MAPKAPK5: variants seen among roughly 807,000 people sequenced by gnomAD.
MAPKAPK5 encodes MAPK activated protein kinase 5.
A neutral mutation model predicts 65.1 loss-of-function variants in MAPKAPK5; 30 were observed. That is an observed-to-expected ratio of 0.46 (90% CI 0.34 to 0.63). MAPKAPK5 has a LOEUF of 0.63. MAPKAPK5 is among the 20% of genes least tolerant of loss of function. The probability of loss-of-function intolerance (pLI) is 0.01; values close to 1 mark genes in which losing one functional copy is unlikely to be tolerated. For synonymous variants in MAPKAPK5, 179 were observed against 204.6 expected (o/e 0.87, Z 1.07); for missense variants, 433 against 581.4 (o/e 0.74, Z 2.63).
Position 111,847,749 on chromosome 12 carries a change from C to T in MAPKAPK5, c.36+4980C>T, listed in dbSNP as rs145442956. Among the ~76,000 whole-genome samples the T allele has an allele frequency of 1.7e-3, 259 of 152,298 alleles. 1 individual carries two copies. Among genetic ancestry groups the T allele is most frequent in the African/African-American group, 5.9e-3 (246 of 41,576 alleles). ...ACTCTGGTGTATAATATTTCCATCC[C>T]TGCTAGAAAGTTCCTTCTGCCTGGT... On this transcript the variant is annotated intron_variant, in intron 1 of 13. Coordinates refer to ENST00000550735, the MANE Select transcript of MAPKAPK5 (RefSeq NM_003668.4).
rs1444080900 is a variant in MAPKAPK5 at position 111,896,358 on chromosome 12, G to T, written c.*3297G>T. Reference sequence around the variant, plus strand: ...ACACATCCAAATGAGCACCAAGCTGGAAGTTTGTGAACACTCTGGAGGATG... The same window carrying T: ...ACACATCCAAATGAGCACCAAGCTGTAAGTTTGTGAACACTCTGGAGGATG... On this transcript the variant is annotated 3_prime_UTR_variant, in exon 14 of 14. Transcript: ENST00000550735. The T allele has an allele frequency of 1.3e-5, 2 of 152,116 alleles. No homozygotes were observed. The highest frequency in any genetic ancestry group is 1.3e-4 in the Admixed American group (2 of 15,264). 9.4% of individuals were successfully genotyped at this position (152,116 alleles called of 1,614,324 possible). A position where few individuals can be genotyped will look rare whatever the true frequency, so the allele number is the denominator to read the frequency against.
intron 9 of MAPKAPK5, among the ~76,000 whole-genome samples, chr12:111,884,764 C>T (rs2070349709): frequency 6.6e-6 from 1 of 152,132 alleles, no homozygotes; most frequent in African/African-American, 2.4e-5. Flanking sequence ...GTTTCTTCCT[C>T]TATAATGGGA....
intron 10 of MAPKAPK5, 78 bp downstream of exon 10, chr12:111,886,114 T>G: frequency 4.9e-5 from 79 of 1,600,840 alleles, no homozygotes; most frequent in Non-Finnish European, 6.4e-5. Flanking sequence ...AGTGAGGGGT[T>G]AGAGGCAAAA....
chr12:111,867,939 A>G (rs1020464152), intron 4 of MAPKAPK5, among the ~76,000 whole-genome samples: 2 of 152,174 alleles, frequency 1.3e-5, no homozygotes, highest in African/African-American at 4.8e-5. Flanking sequence ...AATTTCATCT[A>G]TGCCCCTACC....
chr12:111,865,834 CAAAAAAAAAA>C (rs1157723498), intron 2 of MAPKAPK5, among the ~76,000 whole-genome samples: 3 of 57,420 alleles, frequency 5.2e-5, no homozygotes, highest in Admixed American at 3.5e-4. Context: ...GATTCTGTCT[CAAAAAAAAAA>C]AAAAAAAAAA....
rs1202965180 is a variant in MAPKAPK5, at chr12:111,883,201, T to C, written c.661-380T>C. 2.6e-5 allele frequency among the ~76,000 whole-genome samples: 4 copies of C among 151,628 alleles called. No individual in the cohort carries two copies. The highest frequency in any genetic ancestry group is 7.3e-5 in the African/African-American group (3 of 41,256). On this transcript the variant is annotated intron_variant, in intron 8 of 13. Coordinates refer to ENST00000550735, the MANE Select transcript of MAPKAPK5 (RefSeq NM_003668.4). This position sits in a 1 kb window ranked among gnomAD's most constrained non-coding sequence, Gnocchi z 4.8. The stretch of plus-strand genomic sequence containing the variant: ...ACCTGACCAACATGGTGAAAGCCTA[T>C]CTCTACTAAAAAAAAAATACAAAAA...
At chr12:111,854,249 T>C (rs915584885) in intron 1 of MAPKAPK5, among the ~76,000 whole-genome samples, 1 of 151,794 alleles carries the variant, frequency 6.6e-6, no homozygotes, top group Middle Eastern at 3.2e-3. Flanking sequence ...TTTTCTTTTT[T>C]TTTTTTGAGA....
At chr12:111,856,029 A>G (rs1257795753) in intron 1 of MAPKAPK5, among the ~76,000 whole-genome samples, 1 of 150,956 alleles carries the variant, frequency 6.6e-6, no homozygotes, top group Admixed American at 6.6e-5. Flanking sequence ...CTAATTTTGT[A>G]CTTTTAGTAG....
At chr12:111,889,978 T>G in intron 12 of MAPKAPK5, 62 bp from the exon 13 acceptor site, 4 of 1,043,354 alleles carry the variant, frequency 3.8e-6, no homozygotes, top group Non-Finnish European at 5.8e-6. Context: ...CCTCCATCTC[T>G]CACACTAAAA....
At position 111,868,853 on chromosome 12, in the gene MAPKAPK5, A is replaced by G. The variant is rs750138450; in HGVS notation, c.385A>G (p.Thr129Ala). The G allele has an allele frequency of 6.4e-7, 1 of 1,558,338 alleles. No individual in the cohort carries two copies. The highest frequency in any genetic ancestry group is 1.4e-5 in the African/African-American group (1 of 73,180). Residue 129 changes from threonine to alanine, a missense_variant, in exon 5 of 14, where the codon ACA becomes GCA. Thr to Ala is a moderately conservative substitution (Grantham distance 58, BLOSUM62 0). This residue lies in a region of MAPKAPK5 where 165 missense variants were observed against 180.0 expected (regional missense o/e 0.92). Coordinates refer to ENST00000550735, the MANE Select transcript of MAPKAPK5 (RefSeq NM_003668.4). ...HFTEKQASQV[T>A]KQIALALRHC... ...TACAGAGAAGCAAGCCAGCCAAGTAACAAAGCAGGCAAGTTAACCCCAGGT... is the reference window on the plus strand; with the variant it reads ...TACAGAGAAGCAAGCCAGCCAAGTAGCAAAGCAGGCAAGTTAACCCCAGGT...
intron 1 of MAPKAPK5, among the ~76,000 whole-genome samples, chr12:111,847,738 T>G (rs4346023): frequency 6.6e-6 from 1 of 152,042 alleles, no homozygotes; most frequent in African/African-American, 2.4e-5. Flanking sequence ...TGGTGTATAA[T>G]ATTTCCATCC....
At position 111,842,663 on chromosome 12, in the gene MAPKAPK5, T is replaced by C; in HGVS notation, c.-71T>C. 8.2e-7 allele frequency: 1 copy of C among 1,219,032 alleles called. No homozygotes were observed. Among genetic ancestry groups the C allele is most frequent in the Non-Finnish European group, 1.1e-6 (1 of 945,176 alleles). The allele number at this position is 1,219,032 out of a possible 1,614,324, so 75.5% of individuals were successfully genotyped here. On this transcript the variant is annotated 5_prime_UTR_variant, in exon 1 of 14. Coordinates refer to ENST00000550735, the MANE Select transcript of MAPKAPK5 (RefSeq NM_003668.4). The stretch of plus-strand genomic sequence containing the variant: ...GGGGCCCGAGTGCCGAGCCCTTTGC[T>C]CCCTCGGCCGCGCGGGGACAGGGCT...
rs546641280 is a variant in MAPKAPK5, at chr12:111,881,072, A to AT, written c.660+553dup. Among the ~76,000 whole-genome samples the AT allele has an allele frequency of 6.3e-4, 96 of 151,864 alleles. 1 individual carries two copies. The highest frequency in any genetic ancestry group is 1.2e-3 in the Non-Finnish European group (79 of 67,880). On this transcript the variant is annotated intron_variant, in intron 8 of 13. Transcript: ENST00000550735. Reference sequence around the variant, plus strand: ...TTACGGTTCTTAATCTGTAGCCCACATTTTTTTTGTTGTTTTTTTGAGACA... The same window carrying AT: ...TTACGGTTCTTAATCTGTAGCCCACATTTTTTTTTGTTGTTTTTTTGAGACA...
intron 6 of MAPKAPK5, 68 bp from the exon 7 acceptor site, chr12:111,871,017 C>G: frequency 8.5e-7 from 1 of 1,180,388 alleles, no homozygotes; most frequent in Non-Finnish European, 1.2e-6. Context: ...ACATGTCTTA[C>G]ACCTGGATTT....
At position 111,846,584 on chromosome 12, in the gene MAPKAPK5, C is replaced by T. The variant is rs564743522; in HGVS notation, c.36+3815C>T. 7.2e-5 allele frequency among the ~76,000 whole-genome samples: 11 copies of T among 151,792 alleles called. No individual in the cohort carries two copies. The South Asian group carries it at 2.3e-3, about 32-fold the overall frequency. ...GATCTTGGCTCACTGCAGCCTCTGC[C>T]TCCTGGGTTCAAGCAATTCTTCTGC... On this transcript the variant is annotated intron_variant, in intron 1 of 13. Coordinates refer to ENST00000550735, the MANE Select transcript of MAPKAPK5 (RefSeq NM_003668.4).
Position 111,883,629 on chromosome 12 carries a change from G to A in MAPKAPK5, c.709G>A (p.Gly237Arg), listed in dbSNP as rs1566269482. The A allele has an allele frequency of 5.0e-6, 8 of 1,613,932 alleles. No individual in the cohort carries two copies. Among genetic ancestry groups the A allele is most frequent in the Non-Finnish European group, 6.8e-6 (8 of 1,179,864 alleles). The change falls in exon 9 of 14, where the codon GGA (glycine) becomes AGA (arginine). Residue 237 changes from glycine to arginine, a missense_variant. This residue lies in a region of MAPKAPK5 where 99 missense variants were observed against 185.8 expected (regional missense o/e 0.53). Coordinates refer to ENST00000550735, the MANE Select transcript of MAPKAPK5 (RefSeq NM_003668.4). The surrounding 1 kb of genome is among the most constrained non-coding windows in gnomAD (Gnocchi z 4.8). Reference sequence around the variant, plus strand: ...GGTGATTATCTATGTGATGCTGTGCGGATACCCTCCTTTTTACTCCAAACA... The same window carrying A: ...GGTGATTATCTATGTGATGCTGTGCAGATACCCTCCTTTTTACTCCAAACA... The part of the protein sequence containing the change: ...LGVIIYVMLC[G>R]YPPFYSKHHS...
At position 111,901,229 on chromosome 12, in the gene MAPKAPK5, T is replaced by G; in HGVS notation, c.*8168T>G. ...TCTGCCTGAATTCCGCCTGCACAGA[T>G]AAAACCCCAGTGATTTCTGCCTGCA... On this transcript the variant is annotated 3_prime_UTR_variant, in exon 14 of 14. Transcript: ENST00000550735. 2.2e-6 allele frequency: 1 copy of G among 456,024 alleles called. No homozygotes were observed. Among genetic ancestry groups the G allele is most frequent in the South Asian group, 1.5e-5 (1 of 64,564 alleles). The allele number at this position is 456,024 out of a possible 1,614,324, so 28.2% of individuals were successfully genotyped here.
rs1480134466 is a variant in MAPKAPK5, at chr12:111,900,896, T to C, written c.*7835T>C. 3 of 455,810 alleles carry C rather than the reference T, an allele frequency of 6.6e-6. No homozygotes were observed. Among genetic ancestry groups the C allele is most frequent in the South Asian group, 4.6e-5 (3 of 64,550 alleles). 28.2% of individuals were successfully genotyped at this position (455,810 alleles called of 1,614,324 possible). A position where few individuals can be genotyped will look rare whatever the true frequency, so the allele number is the denominator to read the frequency against. On this transcript the variant is annotated 3_prime_UTR_variant, in exon 14 of 14. Coordinates refer to ENST00000550735, the MANE Select transcript of MAPKAPK5 (RefSeq NM_003668.4). ...CTAATAATCAGTGCTTACAATTATATGGATATGGTGCAAAATCAGCCTCAC... is the reference window on the plus strand; with the variant it reads ...CTAATAATCAGTGCTTACAATTATACGGATATGGTGCAAAATCAGCCTCAC...
intron 10 of MAPKAPK5, among the ~76,000 whole-genome samples, chr12:111,886,914 C>G (rs907251690): frequency 8.5e-5 from 13 of 152,070 alleles, no homozygotes; most frequent in African/African-American, 2.9e-4. Context: ...AATGAACAGG[C>G]TAAATATTTT....
Sources: gnomAD v4.1 joint callset for allele counts (sites outside exome capture counted in the v4.1 genomes callset) on GRCh38, gnomAD v4.1.1 for gene constraint, gnomAD v4.1.1 regional missense constraint, Gnocchi (gnomAD v3.1) non-coding constraint, MANE v1.5 for transcripts, NCBI Gene and HGNC (gene_info 2026-07-23, HGNC 2026-07-21) for gene names.